The following DCC variants were observed in gnomAD, a reference collection of about 807,000 sequenced individuals.
DCC encodes the protein DCC netrin 1 receptor, also known as netrin receptor DCC.
Under a neutral mutation model 172.5 loss-of-function variants are expected in DCC, and 58 were observed. The ratio of observed to expected loss-of-function variants is 0.34; its 90% confidence interval spans 0.27 to 0.42. DCC has a LOEUF of 0.42. DCC is among the 10% of genes least tolerant of loss of function. The probability of loss-of-function intolerance (pLI) is 1.00; values close to 1 mark genes in which losing one functional copy is unlikely to be tolerated. For missense variants in DCC, 1,740 were observed against 1,791.0 expected (o/e 0.97, Z 0.51); for synonymous variants, 709 against 644.5 (o/e 1.10, Z -1.52).
intron 28 of DCC, 176 bp from the exon 29 acceptor site, chr18:53,530,388 T>G: frequency 1.4e-6 from 1 of 705,860 alleles, no homozygotes. Flanking sequence ...TCTCTTATTA[T>G]CCCCTTTTAT....
chr18:53,453,603 A>T (rs755591041), intron 23 of DCC, among the ~76,000 whole-genome samples: 6 of 152,170 alleles, frequency 3.9e-5, no homozygotes, highest in Non-Finnish European at 7.3e-5. Context: ...ACATATATTC[A>T]ACAATTAGGC....
intron 1 of DCC, among the ~76,000 whole-genome samples, chr18:52,687,754 A>C (rs1374080273): frequency 1.3e-5 from 2 of 152,138 alleles, no homozygotes; most frequent in African/African-American, 4.8e-5. Flanking sequence ...GGGAATTGGC[A>C]GTGGTACCTA....
intron 1 of DCC, among the ~76,000 whole-genome samples, chr18:52,479,588 C>G (rs563458807): frequency 0.021 from 3,126 of 150,590 alleles, 59 homozygotes; most frequent in Admixed American, 0.038. Flanking sequence ...CCACCCCCCC[C>G]CCGTCTCCCT....
intron 1 of DCC, among the ~76,000 whole-genome samples, chr18:52,397,486 A>G (rs1003668743): frequency 1.8e-4 from 27 of 152,174 alleles, no homozygotes; most frequent in Admixed American, 1.7e-3. Context: ...TTGCTGCTAT[A>G]TGCATAAATG....
At chr18:52,961,803 G>A (rs369983971) in intron 5 of DCC, among the ~76,000 whole-genome samples, 2,036 of 152,080 alleles carry the variant, frequency 0.013, 57 homozygotes, top group African/African-American at 0.047. Flanking sequence ...AAATAATGCC[G>A]CATATCTACA....
intron 5 of DCC, among the ~76,000 whole-genome samples, chr18:53,027,471 A>C (rs1411330161): frequency 6.6e-6 from 1 of 152,154 alleles, no homozygotes; most frequent in Non-Finnish European, 1.5e-5. Flanking sequence ...CCAGTTTGAA[A>C]TTGTGTATAA....
intron 1 of DCC, among the ~76,000 whole-genome samples, chr18:52,410,549 G>C (rs1986809934): frequency 1.3e-5 from 2 of 152,154 alleles, no homozygotes; most frequent in African/African-American, 4.8e-5. Context: ...GGTGGTTGCT[G>C]TCATTCCTAT....
intron 7 of DCC, among the ~76,000 whole-genome samples, chr18:53,076,627 T>A (rs756180256): frequency 2.7e-5 from 4 of 146,298 alleles, no homozygotes; most frequent in Non-Finnish European, 5.9e-5. Context: ...CATGTTGGTC[T>A]CAAATACTTT....
intron 12 of DCC, among the ~76,000 whole-genome samples, chr18:53,256,824 T>C (rs528656898): frequency 8.5e-5 from 13 of 152,364 alleles, no homozygotes; most frequent in African/African-American, 2.9e-4. Context: ...TTTTACAATA[T>C]TGATTCTTCC....
At chr18:52,989,879 A>G (rs745619058) in intron 5 of DCC, among the ~76,000 whole-genome samples, 2 of 152,184 alleles carry the variant, frequency 1.3e-5, no homozygotes, top group African/African-American at 2.4e-5. Flanking sequence ...CTATGGCTAC[A>G]GCTCCAGTAC....
chr18:53,121,513 G>A (rs2043483504), intron 7 of DCC, among the ~76,000 whole-genome samples: 1 of 151,742 alleles, frequency 6.6e-6, no homozygotes, highest in South Asian at 2.1e-4. Flanking sequence ...CCAATCATAC[G>A]CATGTCTTTG....
At chr18:53,243,247 G>A (rs753839067) in intron 12 of DCC, among the ~76,000 whole-genome samples, 25 of 152,032 alleles carry the variant, frequency 1.6e-4, no homozygotes, top group Non-Finnish European at 3.1e-4. Flanking sequence ...GATTTTCTGG[G>A]GGAAGAAAGT....
chr18:52,977,336 C>T (rs2145597384), intron 5 of DCC, among the ~76,000 whole-genome samples: 1 of 152,196 alleles, frequency 6.6e-6, no homozygotes, highest in African/African-American at 2.4e-5. Context: ...TACCTGGGCC[C>T]CAGGGATTCT....
chr18:53,055,190 G>T (rs918692561), intron 5 of DCC, among the ~76,000 whole-genome samples: 6 of 152,198 alleles, frequency 3.9e-5, no homozygotes, highest in Admixed American at 1.3e-4. Flanking sequence ...TGTTCTTAAG[G>T]CGTTAGTAGC....
At chr18:52,875,988 T>C (rs2054595783) in intron 2 of DCC, among the ~76,000 whole-genome samples, 1 of 152,000 alleles carries the variant, frequency 6.6e-6, no homozygotes, top group Non-Finnish European at 1.5e-5. Flanking sequence ...AAGAACACAC[T>C]TTAAAATAAA....
At chr18:53,146,426 G>A (rs2043916719) in intron 7 of DCC, among the ~76,000 whole-genome samples, 2 of 152,296 alleles carry the variant, frequency 1.3e-5, no homozygotes, top group Middle Eastern at 3.4e-3. Context: ...TCACATGGTA[G>A]AAGGAATGGA....
intron 1 of DCC, among the ~76,000 whole-genome samples, chr18:52,342,443 C>A (rs1002915576): frequency 1.2e-4 from 11 of 93,134 alleles, no homozygotes; most frequent in African/African-American, 4.7e-4. Context: ...AACAATTACT[C>A]TCGCAAAAGG....
At chr18:52,713,562 C>G (rs1049342660) in intron 1 of DCC, among the ~76,000 whole-genome samples, 4 of 152,130 alleles carry the variant, frequency 2.6e-5, no homozygotes, top group Non-Finnish European at 5.9e-5. Flanking sequence ...CAGGGCAGCC[C>G]CCATGCACTT....
At chr18:53,434,289 C>T (rs1911805768) in intron 21 of DCC, among the ~76,000 whole-genome samples, 1 of 152,118 alleles carries the variant, frequency 6.6e-6, no homozygotes, top group African/African-American at 2.4e-5. Flanking sequence ...TCTTTGTTTG[C>T]ATACAGATTC....
Sources: allele counts gnomAD v4.1 joint callset (sites outside exome capture counted in the v4.1 genomes callset), GRCh38; gene constraint gnomAD v4.1.1; transcripts MANE v1.5; gene names NCBI Gene and HGNC (gene_info 2026-07-23, HGNC 2026-07-21).